PAG1: variants seen among roughly 807,000 people sequenced by gnomAD.
PAG1 encodes phosphoprotein membrane anchor with glycosphingolipid microdomains 1, also known as phosphoprotein associated with glycosphingolipid-enriched microdomains 1.
Under a neutral mutation model 31.7 loss-of-function variants are expected in PAG1, and 23 were observed. The observed-to-expected ratio is 0.73, with a 90% CI of 0.52 to 1.03. The LOEUF is 1.03. Among genes scored for constraint, PAG1 ranks in the 50% least tolerant of loss-of-function variants. The probability of loss-of-function intolerance (pLI) is 0.00; values close to 1 mark genes in which losing one functional copy is unlikely to be tolerated. For missense variants in PAG1, 473 were observed against 540.7 expected, an observed-to-expected ratio of 0.87 and a Z score of 1.24; for synonymous variants, 214 against 210.3, an observed-to-expected ratio of 1.02 and a Z score of -0.15.
chr8:81,108,177 A>G (rs571712460), intron 1 of PAG1, among the ~76,000 whole-genome samples: 1 of 149,170 alleles, frequency 6.7e-6, no homozygotes, highest in Non-Finnish European at 1.5e-5. Context: ...TCAAGTCACA[A>G]AAGTGATCAG....
At chr8:81,079,536 C>A (rs539990283) in intron 1 of PAG1, among the ~76,000 whole-genome samples, 1 of 152,096 alleles carries the variant, frequency 6.6e-6, no homozygotes, top group Non-Finnish European at 1.5e-5. Context: ...ATTCCCCTTC[C>A]GTGAAATTCT....
intron 2 of PAG1, among the ~76,000 whole-genome samples, chr8:81,044,217 C>G (rs1808603971): frequency 6.6e-6 from 1 of 152,206 alleles, no homozygotes. Context: ...TCCTAACTCC[C>G]AGTACCTCAG....
intron 4 of PAG1, 77 bp downstream of exon 4, chr8:80,993,026 A>G: frequency 7.5e-7 from 1 of 1,333,138 alleles, no homozygotes; most frequent in Non-Finnish European, 1.0e-6. Context: ...CATTCCTAAC[A>G]GGCTTTCCAC....
At chr8:81,061,054 A>G (rs1305929370) in intron 2 of PAG1, among the ~76,000 whole-genome samples, 1 of 152,232 alleles carries the variant, frequency 6.6e-6, no homozygotes, top group African/African-American at 2.4e-5. Context: ...GACTGGATTT[A>G]TTATCATGTA....
chr8:80,978,569 T>C (rs1460437980), intron 8 of PAG1, among the ~76,000 whole-genome samples: 5 of 152,192 alleles, frequency 3.3e-5, no homozygotes, highest in Non-Finnish European at 7.4e-5. Flanking sequence ...CTCACCACCG[T>C]TAGCTTCTCT....
At chr8:81,097,905 T>C (rs965495309) in intron 1 of PAG1, among the ~76,000 whole-genome samples, 11 of 152,314 alleles carry the variant, frequency 7.2e-5, no homozygotes, top group African/African-American at 2.4e-4. Context: ...TGAATGTTCC[T>C]ATAAATGTTT....
At chr8:81,063,677 G>T (rs889363358) in intron 2 of PAG1, among the ~76,000 whole-genome samples, 10 of 152,134 alleles carry the variant, frequency 6.6e-5, no homozygotes, top group Non-Finnish European at 1.5e-4. Context: ...TCACGAAAAG[G>T]TCATATAGGC....
At chr8:81,051,996 G>A (rs538040212) in intron 2 of PAG1, among the ~76,000 whole-genome samples, 144 of 152,080 alleles carry the variant, frequency 9.5e-4, no homozygotes, top group African/African-American at 3.1e-3. Context: ...CGGGCGTGGT[G>A]GTGGGCGCCT....
At chr8:80,979,116 G>A (rs1029204603) in intron 8 of PAG1, among the ~76,000 whole-genome samples, 2 of 152,202 alleles carry the variant, frequency 1.3e-5, no homozygotes, top group African/African-American at 4.8e-5. Context: ...GAATGTCTGT[G>A]AGTCATAGTT....
intron 1 of PAG1, among the ~76,000 whole-genome samples, chr8:81,072,578 C>G (rs1444278337): frequency 6.6e-6 from 1 of 152,170 alleles, no homozygotes; most frequent in Admixed American, 6.5e-5. Flanking sequence ...GTGGCTCACA[C>G]CTATAATCCC....
At chr8:81,073,451 T>C (rs1809126093) in intron 1 of PAG1, among the ~76,000 whole-genome samples, 1 of 152,124 alleles carries the variant, frequency 6.6e-6, no homozygotes, top group Admixed American at 6.5e-5. Context: ...GGCTCAACAA[T>C]CTCTAGTAAA....
chr8:81,050,915 T>C (rs141623767), intron 2 of PAG1, among the ~76,000 whole-genome samples: 3 of 152,182 alleles, frequency 2.0e-5, no homozygotes, highest in Non-Finnish European at 2.9e-5. Flanking sequence ...TCTTACAGAA[T>C]TGAACAAGTA....
At chr8:81,067,217 G>A (rs9632838) in intron 2 of PAG1, among the ~76,000 whole-genome samples, 82,812 of 151,998 alleles carry the variant, frequency 0.54, 23,980 homozygotes, top group African/African-American at 0.73. Flanking sequence ...TCAGGGAAAA[G>A]TACCAGCCAA....
chr8:80,976,281 G>A lies in PAG1; in HGVS notation c.*263C>T. ...AGACCACTGACAGCTGGGATCTTTTGTGGGTGGTGAGGGTGCAGCAGGGAG... is the reference window on the plus strand; with the variant it reads ...AGACCACTGACAGCTGGGATCTTTTATGGGTGGTGAGGGTGCAGCAGGGAG... On this transcript the variant is annotated 3_prime_UTR_variant, in exon 9 of 9. Coordinates refer to ENST00000220597, the MANE Select transcript of PAG1 (RefSeq NM_018440.4). The A allele has an allele frequency of 2.5e-6, 1 of 399,970 alleles. No homozygotes were observed. The highest frequency in any genetic ancestry group is 4.5e-6 in the Non-Finnish European group (1 of 223,410). 24.8% of individuals were successfully genotyped at this position (399,970 alleles called of 1,614,324 possible).
At chr8:81,110,822 G>A (rs1318539794) in intron 1 of PAG1, among the ~76,000 whole-genome samples, 1 of 152,152 alleles carries the variant, frequency 6.6e-6, no homozygotes, top group Admixed American at 6.5e-5. Flanking sequence ...ACTTCAGGCC[G>A]CTATATCATG....
At chr8:81,101,812 A>G (rs1251729143) in intron 1 of PAG1, among the ~76,000 whole-genome samples, 1 of 152,180 alleles carries the variant, frequency 6.6e-6, no homozygotes, top group Non-Finnish European at 1.5e-5. Flanking sequence ...ATGTTCTATC[A>G]TGTCAAGTAT....
At chr8:81,040,820 T>C (rs1415970446) in intron 2 of PAG1, 1 of 152,142 alleles carries the variant, frequency 6.6e-6, no homozygotes, top group African/African-American at 2.4e-5. Context: ...CCTTTGGCTA[T>C]CTAGTCAAAG....
chr8:81,041,061 C>A (rs141214510), intron 2 of PAG1, among the ~76,000 whole-genome samples: 4 of 152,290 alleles, frequency 2.6e-5, no homozygotes, highest in Admixed American at 6.5e-5. Flanking sequence ...GTTTCCACAT[C>A]GATCTGCCAA....
intron 1 of PAG1, among the ~76,000 whole-genome samples, chr8:81,077,816 C>G (rs968310691): frequency 3.3e-5 from 5 of 152,172 alleles, no homozygotes; most frequent in African/African-American, 1.2e-4. Context: ...GAGACAAGGA[C>G]AGACTGACCT....
Sources: gnomAD v4.1 joint callset for allele counts (sites outside exome capture counted in the v4.1 genomes callset) on GRCh38, gnomAD v4.1.1 for gene constraint, MANE v1.5 for transcripts, NCBI Gene and HGNC (gene_info 2026-07-23, HGNC 2026-07-21) for gene names.